The following C6 variants were observed in gnomAD, a reference collection of about 807,000 sequenced individuals.
The protein encoded by C6 is complement C6, also known as complement component C6.
C6 carries 101 observed loss-of-function variants against 112.9 expected under a neutral mutation model. The ratio of observed to expected loss-of-function variants is 0.89; its 90% confidence interval spans 0.76 to 1.06. The LOEUF is 1.06. Among genes scored for constraint, C6 ranks in the 50% least tolerant of loss-of-function variants. The probability of loss-of-function intolerance (pLI) is 0.00; values close to 1 mark genes in which losing one functional copy is unlikely to be tolerated. For synonymous variants in C6, 431 were observed against 384.1 expected (o/e 1.12, Z -1.43); for missense variants, 1,202 against 1,104.6 (o/e 1.09, Z -1.25).
At chr5:41,197,618 C>A (rs930439907) in intron 4 of C6, among the ~76,000 whole-genome samples, 8 of 152,054 alleles carry the variant, frequency 5.3e-5, no homozygotes, top group Admixed American at 6.6e-5. Context: ...GCTTTGTGAG[C>A]AGAGTACCAG....
At chr5:41,257,355 A>AT (rs1295611933) in intron 1 of C6, among the ~76,000 whole-genome samples, 1 of 151,800 alleles carries the variant, frequency 6.6e-6, no homozygotes, top group Non-Finnish European at 1.5e-5. Flanking sequence ...ACATTATTTC[A>AT]TTTTTTCATG....
chr5:41,244,180 G>A (rs1048354713), intron 1 of C6, among the ~76,000 whole-genome samples: 7 of 152,288 alleles, frequency 4.6e-5, no homozygotes, highest in African/African-American at 9.6e-5. Flanking sequence ...CAAAAGCAAC[G>A]TTGTAAATAT....
intron 5 of C6, among the ~76,000 whole-genome samples, chr5:41,187,059 A>T (rs1749829457): frequency 6.6e-6 from 1 of 152,186 alleles, no homozygotes; most frequent in African/African-American, 2.4e-5. Context: ...TCTACAGGTC[A>T]TGTCACAGCC....
intron 1 of C6, among the ~76,000 whole-genome samples, chr5:41,220,923 T>G (rs1040503131): frequency 1.3e-5 from 2 of 152,106 alleles, no homozygotes; most frequent in African/African-American, 2.4e-5. Context: ...GTGCCCAATG[T>G]ATAAACAGAT....
At chr5:41,175,904 T>C (rs1041029757) in intron 8 of C6, among the ~76,000 whole-genome samples, 39 of 152,190 alleles carry the variant, frequency 2.6e-4, no homozygotes, top group African/African-American at 9.2e-4. Flanking sequence ...CGCAAATCTT[T>C]TGCATTTAGT....
chr5:41,186,890 A>G (rs1360131971), intron 5 of C6, among the ~76,000 whole-genome samples: 3 of 152,260 alleles, frequency 2.0e-5, no homozygotes, highest in African/African-American at 7.2e-5. Context: ...GCATAAATCA[A>G]CTATTTAAGA....
intron 1 of C6, among the ~76,000 whole-genome samples, chr5:41,220,425 A>T (rs183874848): frequency 1.3e-5 from 2 of 152,214 alleles, no homozygotes. Flanking sequence ...CTTTATTTTA[A>T]TCTTCCAGTA....
chr5:41,232,161 A>C (rs563851811), intron 1 of C6, among the ~76,000 whole-genome samples: 1 of 152,158 alleles, frequency 6.6e-6, no homozygotes, highest in East Asian at 1.9e-4. Context: ...TTGTTTCTTA[A>C]CCCTTCAGGA....
chr5:41,260,981 T>C (rs1364117904), intron 1 of C6, among the ~76,000 whole-genome samples: 1 of 152,104 alleles, frequency 6.6e-6, no homozygotes, highest in African/African-American at 2.4e-5. Context: ...AAATGTGAAA[T>C]CTCCATTGAC....
At chr5:41,241,167 C>G (rs973878648) in intron 1 of C6, among the ~76,000 whole-genome samples, 4 of 152,158 alleles carry the variant, frequency 2.6e-5, no homozygotes, top group Admixed American at 6.5e-5. Context: ...AGCAGGCTAT[C>G]CTCAGCATGT....
intron 1 of C6, among the ~76,000 whole-genome samples, chr5:41,207,489 T>C (rs916529928): frequency 6.6e-6 from 1 of 152,160 alleles, no homozygotes; most frequent in South Asian, 2.1e-4. Context: ...ACCCATCTCA[T>C]GTGCAGAGAC....
In C6 at chr5:41,142,785, G is replaced by C; in HGVS notation, c.*40C>G. The C allele has an allele frequency of 6.6e-7, 1 of 1,513,356 alleles. No homozygotes were observed. Among genetic ancestry groups the C allele is most frequent in the Admixed American group, 1.7e-5 (1 of 59,600 alleles). 93.7% of individuals were successfully genotyped at this position (1,513,356 alleles called of 1,614,324 possible). A position where few individuals can be genotyped will look rare whatever the true frequency, so the allele number is the denominator to read the frequency against. ...TTTGTAGGAGTTGGTTCTTCGGGAT[G>C]GTAAATCTGTTCATTGTGCTGGGCC... is the stretch of plus-strand genomic sequence containing the variant. On this transcript the variant is annotated 3_prime_UTR_variant, in exon 18 of 18. Coordinates refer to ENST00000337836, the MANE Select transcript of C6 (RefSeq NM_000065.5).
intron 1 of C6, among the ~76,000 whole-genome samples, chr5:41,239,537 C>A (rs555716642): frequency 6.6e-6 from 1 of 152,068 alleles, no homozygotes; most frequent in East Asian, 1.9e-4. Flanking sequence ...ATATAGTCAC[C>A]CTACTATACT....
intron 1 of C6, among the ~76,000 whole-genome samples, chr5:41,236,719 C>G (rs895490939): frequency 1.2e-4 from 17 of 139,474 alleles, no homozygotes; most frequent in African/African-American, 4.1e-4. Context: ...CAAGAAATAA[C>G]TAAAATCAGA....
chr5:41,216,860 A>G (rs7356570), upstream of C6, among the ~76,000 whole-genome samples: 3,433 of 152,182 alleles, frequency 0.023, 131 homozygotes, highest in African/African-American at 0.079. Context: ...GCACAACCCT[A>G]TTCAAAATCT....
intron 1 of C6, among the ~76,000 whole-genome samples, chr5:41,221,261 C>T (rs192044369): frequency 2.6e-5 from 4 of 152,056 alleles, no homozygotes; most frequent in Non-Finnish European, 4.4e-5. Context: ...GAAAACTCTA[C>T]AATACACTGT....
At chr5:41,186,357 C>T (rs1749770937) in intron 5 of C6, 149 bp from the exon 6 acceptor site, 3 of 813,050 alleles carry the variant, frequency 3.7e-6, no homozygotes, top group Non-Finnish European at 5.9e-6. Flanking sequence ...CTTTTTTTTC[C>T]TAGTCCATGG....
chr5:41,243,193 G>A (rs1196799376), intron 1 of C6, among the ~76,000 whole-genome samples: 1 of 152,124 alleles, frequency 6.6e-6, no homozygotes, highest in Non-Finnish European at 1.5e-5. Context: ...ATGATGACAT[G>A]TCAACTAGAT....
Position 41,161,854 on chromosome 5 carries a change from A to G in C6, c.1297T>C (p.Phe433Leu). The G allele has an allele frequency of 1.2e-6, 2 of 1,613,420 alleles. No individual in the cohort carries two copies. The highest frequency in any genetic ancestry group is 1.7e-5 in the Admixed American group (1 of 59,976). Residue 433 changes from phenylalanine (F) to leucine (L), a missense_variant, in exon 10 of 18, where the codon TTT (phenylalanine) becomes CTT (leucine). Coordinates refer to ENST00000337836, the MANE Select transcript of C6 (RefSeq NM_000065.5). ...NKLSEKHEGS[F>L]IQGAEKSISL... ...ATGGATTTCTCTGCTCCCTGTATAA[A>G]TGAACCTGCAAGGTGTTTCAATAAA...
Sources: allele counts gnomAD v4.1 joint callset (sites outside exome capture counted in the v4.1 genomes callset), GRCh38; gene constraint gnomAD v4.1.1; transcripts MANE v1.5; gene names NCBI Gene and HGNC (gene_info 2026-07-23, HGNC 2026-07-21).